GATAD2A: variants seen among roughly 807,000 people sequenced by gnomAD.
The protein encoded by GATAD2A is transcriptional repressor p66-alpha.
GATAD2A carries 12 observed loss-of-function variants against 68.5 expected under a neutral mutation model. The ratio of observed to expected loss-of-function variants is 0.18; its 90% confidence interval spans 0.11 to 0.28. The LOEUF is 0.28. Among genes scored for constraint, GATAD2A ranks in the 10% least tolerant of loss-of-function variants. The pLI is 1.00. For missense variants in GATAD2A, 755 were observed against 868.5 expected, an observed-to-expected ratio of 0.87 and a Z score of 1.64; for synonymous variants, 410 against 375.3, an observed-to-expected ratio of 1.09 and a Z score of -1.07.
At chr19:19,482,814 A>G (rs1017179116) in intron 2 of GATAD2A, among the ~76,000 whole-genome samples, 5 of 152,082 alleles carry the variant, frequency 3.3e-5, no homozygotes, top group African/African-American at 1.2e-4. Context: ...TTCTAAGCAG[A>G]ACGTGCTGGA....
chr19:19,499,102 T>C (rs1331471615), intron 8 of GATAD2A, among the ~76,000 whole-genome samples: 2 of 152,164 alleles, frequency 1.3e-5, no homozygotes, highest in Non-Finnish European at 2.9e-5. Context: ...CCTCAAGTGC[T>C]CCCAGCTTCT....
chr19:19,386,983 G>T (rs747734189), intron 1 of GATAD2A, among the ~76,000 whole-genome samples: 1 of 151,876 alleles, frequency 6.6e-6, no homozygotes, highest in East Asian at 1.9e-4. Flanking sequence ...CCTCTGAGGG[G>T]AGTCCCTTTC....
At chr19:19,403,336 C>G (rs1485822340), upstream of GATAD2A, among the ~76,000 whole-genome samples, 1 of 152,094 alleles carries the variant, frequency 6.6e-6, no homozygotes, top group Non-Finnish European at 1.5e-5. Context: ...GATCTGGATT[C>G]ACTGTCACTT....
At chr19:19,448,973 C>CT (rs2056069815) in intron 1 of GATAD2A, among the ~76,000 whole-genome samples, 1 of 152,126 alleles carries the variant, frequency 6.6e-6, no homozygotes, top group South Asian at 2.1e-4. Flanking sequence ...TTGTGGGGCT[C>CT]TTTCATGGCC....
chr19:19,391,432 A>G (rs149581543), intron 1 of GATAD2A, among the ~76,000 whole-genome samples: 96 of 152,308 alleles, frequency 6.3e-4, no homozygotes, highest in Admixed American at 2.7e-3. Flanking sequence ...ATTTCTTTCA[A>G]TTCTTTTAAG....
rs190492084 is a variant in GATAD2A at position 19,396,765 on chromosome 19, A to G, written c.-7+10627A>G. Among the ~76,000 whole-genome samples, 50 of 151,970 alleles carry G rather than the reference A, an allele frequency of 3.3e-4. No homozygotes were observed. The East Asian group carries it at 6.0e-3, about 18-fold the overall frequency. On this transcript the variant is annotated intron_variant, in intron 1 of 11. Transcript: ENST00000360315. ...GCTATGTTGCCCAGGCTGGAGTGCA[A>G]TGGTGCAGTCTCAGCTCATTGCAAC...
chr19:19,429,280 G>A (rs1472137510), intron 1 of GATAD2A: 1 of 967,712 alleles, frequency 1.0e-6, no homozygotes, highest in Non-Finnish European at 1.2e-6. Flanking sequence ...CTGAGTAACA[G>A]GTGCTTGAAC....
chr19:19,446,186 C>T (rs2055698831), intron 1 of GATAD2A, among the ~76,000 whole-genome samples: 1 of 152,190 alleles, frequency 6.6e-6, no homozygotes, highest in Non-Finnish European at 1.5e-5. Flanking sequence ...ACATCCTTAC[C>T]AATACTTAAT....
At chr19:19,400,961 C>A (rs887292780), upstream of GATAD2A, among the ~76,000 whole-genome samples, 2 of 151,696 alleles carry the variant, frequency 1.3e-5, no homozygotes, top group Non-Finnish European at 2.9e-5. Context: ...GCTAACATGG[C>A]GAAACCCTGT....
chr19:19,473,093 A>G (rs1005114042), intron 2 of GATAD2A, among the ~76,000 whole-genome samples: 3 of 152,162 alleles, frequency 2.0e-5, no homozygotes, highest in Non-Finnish European at 4.4e-5. Flanking sequence ...GCAGACTTCA[A>G]CACAGCCTAG....
intron 2 of GATAD2A, among the ~76,000 whole-genome samples, chr19:19,481,611 C>T (rs2059068921): frequency 6.6e-6 from 1 of 152,104 alleles, no homozygotes; most frequent in South Asian, 2.1e-4. Flanking sequence ...CAGGCATGAA[C>T]CATCGCACCT....
Position 19,440,102 on chromosome 19 carries a change from A to G in GATAD2A, c.-6-25238A>G, listed in dbSNP as rs143644113. On this transcript the variant is annotated intron_variant, in intron 1 of 11. Coordinates refer to ENST00000683918, the MANE Select transcript of GATAD2A (RefSeq NM_001384528.1). ...CCTGAGCCCCTGAGTGAAGGGAGGA[A>G]GGAGTAGGTGATGTCTTCATTTGTG... 7.8e-3 allele frequency: 3,110 copies of G among 396,928 alleles called. 75 individuals carry two copies. Among genetic ancestry groups the G allele is most frequent in the South Asian group, 0.038 (2,153 of 56,726 alleles). The allele number at this position is 396,928 out of a possible 1,614,324, so 24.6% of individuals were successfully genotyped here. A position where few individuals can be genotyped will look rare whatever the true frequency, so the allele number is the denominator to read the frequency against.
At chr19:19,423,461 G>A (rs1170320219) in intron 1 of GATAD2A, among the ~76,000 whole-genome samples, 1 of 152,268 alleles carries the variant, frequency 6.6e-6, no homozygotes, top group Non-Finnish European at 1.5e-5. Context: ...CAGTGATGAA[G>A]CTTCTGGGAC....
In GATAD2A at chr19:19,444,795, C is replaced by G. The variant is rs2055512374; in HGVS notation, c.-6-20545C>G. Among the ~76,000 whole-genome samples the G allele has an allele frequency of 2.0e-5, 3 of 148,092 alleles. No homozygotes were observed. The South Asian group carries it at 6.6e-4, about 33-fold the overall frequency. On this transcript the variant is annotated intron_variant, in intron 1 of 11. Coordinates refer to ENST00000683918, the MANE Select transcript of GATAD2A (RefSeq NM_001384528.1). ...TTGAGGTGGGAGGATTGCTTGAGCC[C>G]TGGAGGTTGAGGCTGCAGTGAGTCA...
intron 2 of GATAD2A, among the ~76,000 whole-genome samples, chr19:19,483,421 C>T (rs1036431930): frequency 6.6e-6 from 1 of 152,200 alleles, no homozygotes; most frequent in Non-Finnish European, 1.5e-5. Flanking sequence ...CTGGGCCCCA[C>T]AAAGCAGGCT....
intron 1 of GATAD2A, among the ~76,000 whole-genome samples, chr19:19,407,406 A>G (rs529967790): frequency 4.6e-5 from 7 of 152,340 alleles, no homozygotes; most frequent in East Asian, 3.9e-4. Flanking sequence ...TTCAGTGCCT[A>G]TAACAATCCC....
intron 5 of GATAD2A, among the ~76,000 whole-genome samples, chr19:19,495,125 A>G (rs2060056344): frequency 6.6e-6 from 1 of 151,698 alleles, no homozygotes; most frequent in Non-Finnish European, 1.5e-5. Context: ...CCTCCCAAGT[A>G]GCCAGGATTA....
chr19:19,478,798 T>G (rs574430788), intron 2 of GATAD2A, among the ~76,000 whole-genome samples: 89 of 148,170 alleles, frequency 6.0e-4, no homozygotes, highest in African/African-American at 2.2e-3. Flanking sequence ...CAACCTGAGT[T>G]GAGACCTTGT....
intron 1 of GATAD2A, among the ~76,000 whole-genome samples, chr19:19,422,302 G>A (rs538964293): frequency 7.9e-5 from 12 of 152,310 alleles, no homozygotes; most frequent in Non-Finnish European, 1.3e-4. Context: ...AGGCGGTTTG[G>A]CCTTTGCTAT....
Sources: allele counts gnomAD v4.1 joint callset (sites outside exome capture counted in the v4.1 genomes callset), GRCh38; gene constraint gnomAD v4.1.1; transcripts MANE v1.5; gene names NCBI Gene and HGNC (gene_info 2026-07-23, HGNC 2026-07-21).